TRABD2B: variants seen among roughly 807,000 people sequenced by gnomAD.
The protein encoded by TRABD2B is metalloprotease TIKI2.
Under a neutral mutation model 40.1 loss-of-function variants are expected in TRABD2B, and 14 were observed. That is an observed-to-expected ratio of 0.35 (90% CI 0.23 to 0.55). The LOEUF (loss-of-function observed/expected upper bound fraction) is 0.55, where lower values mean the gene tolerates loss of function less well. Ranked by LOEUF, TRABD2B falls within the 20% of genes least tolerant of loss-of-function variation. The probability of loss-of-function intolerance (pLI) is 0.90; values close to 1 mark genes in which losing one functional copy is unlikely to be tolerated. For synonymous variants in TRABD2B, 263 were observed against 277.0 expected (o/e 0.95, Z 0.50); for missense variants, 541 against 648.6 (o/e 0.83, Z 1.80).
chr1:47,901,246 T>A (rs528882438), intron 2 of TRABD2B, among the ~76,000 whole-genome samples: 1 of 152,310 alleles, frequency 6.6e-6, no homozygotes, highest in South Asian at 2.1e-4. Context: ...CAAGTGGCAC[T>A]TGGAACAAGT....
At chr1:47,867,686 G>A (rs1644079779) in intron 2 of TRABD2B, among the ~76,000 whole-genome samples, 2 of 152,108 alleles carry the variant, frequency 1.3e-5, no homozygotes, top group African/African-American at 2.4e-5. Flanking sequence ...AGTCAGAACA[G>A]GATGTTTAAC....
chr1:47,829,271 G>A (rs1645217862), intron 2 of TRABD2B, among the ~76,000 whole-genome samples: 1 of 152,084 alleles, frequency 6.6e-6, no homozygotes, highest in African/African-American at 2.4e-5. Flanking sequence ...CTTTCAAGGA[G>A]CAGTCTCCAG....
chr1:47,884,512 G>T, intron 2 of TRABD2B, among the ~76,000 whole-genome samples: 1 of 152,244 alleles, frequency 6.6e-6, no homozygotes, highest in East Asian at 1.9e-4. Flanking sequence ...GAAGCAAAGT[G>T]TGAAGAGCAT....
At chr1:47,775,695 AGGTATCAGCAT>A (rs1465202062) in intron 5 of TRABD2B, among the ~76,000 whole-genome samples, 1 of 152,224 alleles carries the variant, frequency 6.6e-6, no homozygotes, top group African/African-American at 2.4e-5. Flanking sequence ...TTTAGGAGGT[AGGTATCAGCAT>A]GATGGAAACA....
At chr1:47,861,997 G>T (rs1440088764) in intron 2 of TRABD2B, among the ~76,000 whole-genome samples, 1 of 152,120 alleles carries the variant, frequency 6.6e-6, no homozygotes, top group African/African-American at 2.4e-5. Context: ...AAATCAGCAG[G>T]TTAAAGAAGA....
chr1:47,903,661 C>T (rs1294516119), intron 2 of TRABD2B, among the ~76,000 whole-genome samples: 1 of 152,108 alleles, frequency 6.6e-6, no homozygotes, highest in Non-Finnish European at 1.5e-5. Flanking sequence ...ACAGGGCTTC[C>T]TGGGCAGGGG....
At chr1:47,920,728 C>T (rs1322157361) in intron 2 of TRABD2B, among the ~76,000 whole-genome samples, 1 of 152,248 alleles carries the variant, frequency 6.6e-6, no homozygotes, top group African/African-American at 2.4e-5. Context: ...CAGAGACCCT[C>T]TTTTCCTTAT....
intron 2 of TRABD2B, among the ~76,000 whole-genome samples, chr1:47,837,645 G>T (rs776972090): frequency 1.3e-5 from 2 of 152,130 alleles, no homozygotes; most frequent in East Asian, 1.9e-4. Context: ...GAGACGAACC[G>T]GGCTTCTGAA....
chr1:47,887,828 G>A (rs1404047162), intron 2 of TRABD2B, among the ~76,000 whole-genome samples: 4 of 152,150 alleles, frequency 2.6e-5, no homozygotes, highest in African/African-American at 9.7e-5. Flanking sequence ...CTCCAAACCA[G>A]TCCTGGGTGC....
intron 2 of TRABD2B, among the ~76,000 whole-genome samples, chr1:47,974,475 G>T (rs1465989788): frequency 6.6e-6 from 1 of 151,996 alleles, no homozygotes. Context: ...TTGCAGCCTG[G>T]TCCCTCTCTA....
intron 2 of TRABD2B, among the ~76,000 whole-genome samples, chr1:47,890,271 G>A (rs1281532028): frequency 1.3e-5 from 2 of 152,200 alleles, no homozygotes; most frequent in East Asian, 1.9e-4. Context: ...TAGCAGCAGT[G>A]GCTGTGATGG....
intron 2 of TRABD2B, among the ~76,000 whole-genome samples, chr1:47,817,180 C>T (rs1303827316): frequency 1.3e-5 from 2 of 151,972 alleles, no homozygotes; most frequent in East Asian, 1.9e-4. Context: ...CCTAGAGGGG[C>T]GGCCTCCAGA....
Position 47,941,299 on chromosome 1 carries a change from C to A in TRABD2B, c.666+52735G>T, listed in dbSNP as rs191840284. Among the ~76,000 whole-genome samples the A allele has an allele frequency of 7.2e-5, 11 of 152,308 alleles. No homozygotes were observed. In the East Asian group the frequency reaches 2.1e-3, roughly 29 times the overall value. On this transcript the variant is annotated intron_variant, in intron 2 of 6. Coordinates refer to ENST00000606738, the MANE Select transcript of TRABD2B (RefSeq NM_001194986.2). ...TCATTACCCTCCCCCGCCACCAGAC[C>A]CCATCCTGATAAGCACACACGTGCA...
intron 3 of TRABD2B, among the ~76,000 whole-genome samples, chr1:47,800,606 C>CAGGGA (rs1644809631): frequency 6.6e-6 from 1 of 152,288 alleles, no homozygotes; most frequent in East Asian, 1.9e-4. Flanking sequence ...ATGTCCTGAG[C>CAGGGA]AGGGAAGTGG....
At chr1:47,785,457 G>T (rs1260903383) in intron 4 of TRABD2B, among the ~76,000 whole-genome samples, 3 of 152,240 alleles carry the variant, frequency 2.0e-5, no homozygotes, top group Admixed American at 1.3e-4. Context: ...GAGGCTGTTA[G>T]AACGCAGGAC....
chr1:47,891,603 C>A (rs926438263), intron 2 of TRABD2B, among the ~76,000 whole-genome samples: 1 of 151,980 alleles, frequency 6.6e-6, no homozygotes, highest in Non-Finnish European at 1.5e-5. Flanking sequence ...TCGAGACTAG[C>A]CTGAGCAACA....
At chr1:47,815,850 T>A (rs557013457) in intron 2 of TRABD2B, among the ~76,000 whole-genome samples, 10 of 149,174 alleles carry the variant, frequency 6.7e-5, no homozygotes, top group East Asian at 2.0e-4. Context: ...GATAGATAGA[T>A]AGAAATAGAG....
intron 2 of TRABD2B, among the ~76,000 whole-genome samples, chr1:47,951,715 T>C (rs1645347159): frequency 6.6e-6 from 1 of 152,140 alleles, no homozygotes; most frequent in South Asian, 2.1e-4. Context: ...TAGCCCGGTG[T>C]CCTCTGACCC....
At chr1:47,993,921 A>G (rs1646049312) in intron 2 of TRABD2B, 113 bp downstream of exon 2, 6 of 1,117,106 alleles carry the variant, frequency 5.4e-6, no homozygotes, top group Non-Finnish European at 7.4e-6. Flanking sequence ...CCTTCCAGAA[A>G]AAGGACCTGA....
Sources: gnomAD v4.1 joint callset for allele counts (sites outside exome capture counted in the v4.1 genomes callset) on GRCh38, gnomAD v4.1.1 for gene constraint, MANE v1.5 for transcripts, NCBI Gene and HGNC (gene_info 2026-07-23, HGNC 2026-07-21) for gene names.